Variants in RSL24D1 observed in about 807,000 individuals in gnomAD.
RSL24D1 encodes the protein probable ribosome biogenesis protein RLP24.
A neutral mutation model predicts 26.2 loss-of-function variants in RSL24D1; 6 were observed. The observed-to-expected ratio is 0.23, with a 90% CI of 0.13 to 0.45. RSL24D1 has a LOEUF of 0.45. Ranked by LOEUF, RSL24D1 falls within the 20% of genes least tolerant of loss-of-function variation. RSL24D1 has a pLI of 0.99. For missense variants in RSL24D1, 176 were observed against 202.6 expected, an observed-to-expected ratio of 0.87 and a Z score of 0.80; for synonymous variants, 61 against 59.1, an observed-to-expected ratio of 1.03 and a Z score of -0.15.
In RSL24D1 at chr15:55,181,974, A is replaced by G. The variant is rs914065861; in HGVS notation, c.*178T>C. On this transcript the variant is annotated 3_prime_UTR_variant, in exon 6 of 6. Transcript: ENST00000260443. ...GTACATCTATCAGTAAAGATTTAAC[A>G]CTGAGATGCAATCTAACATCCGTAA... 64 of 534,512 alleles carry G rather than the reference A, an allele frequency of 1.2e-4. 1 individual carries two copies. Among genetic ancestry groups the G allele is most frequent in the South Asian group, 7.7e-4 (27 of 35,000 alleles). The allele number at this position is 534,512 out of a possible 1,614,324, so 33.1% of individuals were successfully genotyped here.
chr15:55,184,961 T>C (rs937688713), intron 4 of RSL24D1, among the ~76,000 whole-genome samples: 1 of 152,194 alleles, frequency 6.6e-6, no homozygotes, highest in Non-Finnish European at 1.5e-5. Flanking sequence ...TAAAGGAGCC[T>C]GAAGAAATAT....
rs145933027 is a variant in RSL24D1 at position 55,191,276 on chromosome 15, A to G, written c.196-229T>C. Among the ~76,000 whole-genome samples the G allele has an allele frequency of 1.3e-3, 196 of 152,324 alleles. 2 individuals carry two copies. The highest frequency in any genetic ancestry group is 4.3e-3 in the African/African-American group (179 of 41,576). ...GATTCTCAAAGAGAAAGGAGGAGAC[A>G]GTAACACCCCCATCCCTCAGAAGGG... is the stretch of plus-strand genomic sequence containing the variant. On this transcript the variant is annotated intron_variant, in intron 2 of 5. Coordinates refer to ENST00000260443, the MANE Select transcript of RSL24D1 (RefSeq NM_016304.3).
At chr15:55,193,150 A>G (rs1010333532) in intron 1 of RSL24D1, among the ~76,000 whole-genome samples, 1 of 152,236 alleles carries the variant, frequency 6.6e-6, no homozygotes, top group South Asian at 2.1e-4. Context: ...GATAATTTTC[A>G]AAATTCACTG....
At chr15:55,191,524 T>G (rs1182892103) in intron 2 of RSL24D1, among the ~76,000 whole-genome samples, 1 of 152,006 alleles carries the variant, frequency 6.6e-6, no homozygotes, top group Non-Finnish European at 1.5e-5. Flanking sequence ...AATATCTATG[T>G]TATAGCAAAA....
chr15:55,195,001 C>T (rs1595654619), intron 1 of RSL24D1, among the ~76,000 whole-genome samples: 1 of 103,362 alleles, frequency 9.7e-6, no homozygotes, highest in African/African-American at 4.0e-5. Flanking sequence ...CCAGCCTGGG[C>T]AATAGACAGT....
At position 55,181,460 on chromosome 15, in the gene RSL24D1, T is replaced by C. The variant is rs1341243059; in HGVS notation, c.*692A>G. On this transcript the variant is annotated 3_prime_UTR_variant, in exon 6 of 6. Transcript: ENST00000260443. ...TGGGATTCCTCTGCTTCTAGATCAA[T>C]GCTGGGCTAGAAAAGTAAAGTCTGT... is the stretch of plus-strand genomic sequence containing the variant. 2 of 152,628 alleles carry C rather than the reference T, an allele frequency of 1.3e-5. No individual in the cohort carries two copies. The highest frequency in any genetic ancestry group is 6.5e-5 in the Admixed American group (1 of 15,272). The allele number at this position is 152,628 out of a possible 1,614,324, so 9.5% of individuals were successfully genotyped here.
chr15:55,185,289 T>A lies in RSL24D1; in HGVS notation c.332+73A>T, dbSNP rs188952054. ...GTTATGTCAAAATAAAAAATTTTTTTAAAAAATACTAATGCCTCTAAATAT... is the reference window on the plus strand; with the variant it reads ...GTTATGTCAAAATAAAAAATTTTTTAAAAAAATACTAATGCCTCTAAATAT... On this transcript the variant is annotated intron_variant, in intron 4 of 5. Transcript: ENST00000260443. The A allele has an allele frequency of 9.0e-4, 1,090 of 1,217,576 alleles. 10 individuals carry two copies. The African/African-American group carries it at 0.013, about 15-fold the overall frequency. 75.4% of individuals were successfully genotyped at this position (1,217,576 alleles called of 1,614,324 possible).
intron 3 of RSL24D1, among the ~76,000 whole-genome samples, chr15:55,186,669 T>G (rs1894227530): frequency 6.6e-6 from 1 of 152,176 alleles, no homozygotes; most frequent in African/African-American, 2.4e-5. Flanking sequence ...ACATGACATG[T>G]ACTATTCTTA....
At chr15:55,182,288 C>G in intron 5 of RSL24D1, 63 bp from the exon 6 acceptor site, 1 of 1,003,244 alleles carries the variant, frequency 1.0e-6, no homozygotes, top group Non-Finnish European at 1.6e-6. Flanking sequence ...GAATTCACAC[C>G]AACACTTTAT....
At chr15:55,188,300 C>G (rs1241510913) in intron 3 of RSL24D1, among the ~76,000 whole-genome samples, 1 of 152,224 alleles carries the variant, frequency 6.6e-6, no homozygotes, top group African/African-American at 2.4e-5. Context: ...CAAAGACTCT[C>G]ATACTATTTA....
At chr15:55,192,135 G>A (rs775059163) in intron 2 of RSL24D1, among the ~76,000 whole-genome samples, 4 of 152,178 alleles carry the variant, frequency 2.6e-5, no homozygotes, top group Non-Finnish European at 5.9e-5. Flanking sequence ...GGAGAGGACA[G>A]TTTAAAAGAT....
chr15:55,183,678 A>C (rs1391479542), intron 4 of RSL24D1, among the ~76,000 whole-genome samples: 1 of 152,186 alleles, frequency 6.6e-6, no homozygotes, highest in African/African-American at 2.4e-5. Flanking sequence ...TATATACCTT[A>C]CATTTATTCC....
rs1443438774 is a variant in RSL24D1, at chr15:55,181,463, T to C, written c.*689A>G. The C allele has an allele frequency of 2.0e-5, 3 of 152,642 alleles. No individual in the cohort carries two copies. Among genetic ancestry groups the C allele is most frequent in the African/African-American group, 4.8e-5 (2 of 41,462 alleles). The allele number at this position is 152,642 out of a possible 1,614,324, so 9.5% of individuals were successfully genotyped here. ...GATTCCTCTGCTTCTAGATCAATGC[T>C]GGGCTAGAAAAGTAAAGTCTGTTCT... On this transcript the variant is annotated 3_prime_UTR_variant, in exon 6 of 6. Coordinates refer to ENST00000260443, the MANE Select transcript of RSL24D1 (RefSeq NM_016304.3).
intron 4 of RSL24D1, among the ~76,000 whole-genome samples, chr15:55,184,571 A>G (rs577399812): frequency 5.9e-5 from 9 of 152,216 alleles, no homozygotes; most frequent in Admixed American, 2.0e-4. Flanking sequence ...CAAGACTCTA[A>G]TGAAAACCAA....
At chr15:55,182,291 C>A in intron 5 of RSL24D1, 66 bp from the exon 6 acceptor site, 1 of 986,184 alleles carries the variant, frequency 1.0e-6, no homozygotes, top group Non-Finnish European at 1.6e-6. Flanking sequence ...TTCACACCAA[C>A]ACTTTATAAA....
chr15:55,182,196 C>T lies in RSL24D1; in HGVS notation c.448G>A (p.Val150Ile), dbSNP rs1192808150. ...GKGKQLEEKM[V>I]QQLQEDVDME... ...TCCACATCCTCTTGTAACTGCTGTACCATTTTCTCTTCCAACTGTTTCCCT... is the reference window on the plus strand; with the variant it reads ...TCCACATCCTCTTGTAACTGCTGTATCATTTTCTCTTCCAACTGTTTCCCT... The change falls in exon 6 of 6, where the codon GTA becomes ATA. Residue 150 changes from valine (V) to isoleucine (I), a missense_variant. Transcript: ENST00000260443. 2.5e-6 allele frequency: 4 copies of T among 1,607,836 alleles called. No homozygotes were observed. The African/African-American group carries it at 4.0e-5, about 16-fold the overall frequency.
intron 3 of RSL24D1, among the ~76,000 whole-genome samples, chr15:55,188,850 A>G (rs1894252559): frequency 6.6e-6 from 1 of 152,180 alleles, no homozygotes; most frequent in African/African-American, 2.4e-5. Flanking sequence ...AAGTAATAAT[A>G]ACAACAACAA....
chr15:55,189,554 G>C (rs1008582848), intron 3 of RSL24D1, among the ~76,000 whole-genome samples: 1 of 152,094 alleles, frequency 6.6e-6, no homozygotes, highest in Admixed American at 6.5e-5. Context: ...ACCAACCCAC[G>C]GCCCAATATA....
At chr15:55,187,206 A>G (rs934288769) in intron 3 of RSL24D1, among the ~76,000 whole-genome samples, 24 of 152,298 alleles carry the variant, frequency 1.6e-4, no homozygotes, top group African/African-American at 5.8e-4. Context: ...AAATAACTCT[A>G]AGAAAATGTC....
Sources: gnomAD v4.1 joint callset for allele counts (sites outside exome capture counted in the v4.1 genomes callset) on GRCh38, gnomAD v4.1.1 for gene constraint, MANE v1.5 for transcripts, NCBI Gene and HGNC (gene_info 2026-07-23, HGNC 2026-07-21) for gene names.